HDAC1: variants seen among roughly 807,000 people sequenced by gnomAD.
The protein encoded by HDAC1 is protein deacetylase HDAC1.
HDAC1 carries 18 observed loss-of-function variants against 65.5 expected under a neutral mutation model. The observed-to-expected ratio is 0.27, with a 90% CI of 0.19 to 0.41. HDAC1 has a LOEUF of 0.41. HDAC1 is among the 10% of genes least tolerant of loss of function. HDAC1 has a pLI of 1.00. For synonymous variants in HDAC1, 211 were observed against 227.9 expected (o/e 0.93, Z 0.67); for missense variants, 373 against 625.2 (o/e 0.60, Z 4.30).
At chr1:32,318,896 A>G (rs1367475386) in intron 3 of HDAC1, among the ~76,000 whole-genome samples, 1 of 152,026 alleles carries the variant, frequency 6.6e-6, no homozygotes, top group Non-Finnish European at 1.5e-5. Context: ...AGGCAAGCAG[A>G]TCACCTGGGG....
chr1:32,317,438 T>C (rs917816822), intron 3 of HDAC1, among the ~76,000 whole-genome samples: 1 of 152,142 alleles, frequency 6.6e-6, no homozygotes, highest in Admixed American at 6.6e-5. Flanking sequence ...ATTTTAGAAA[T>C]TATCTCTTAG....
At chr1:32,303,911 A>C (rs1174224481) in intron 2 of HDAC1, among the ~76,000 whole-genome samples, 1 of 152,186 alleles carries the variant, frequency 6.6e-6, no homozygotes, top group African/African-American at 2.4e-5. Flanking sequence ...TATTTTAAGC[A>C]TGTATACAAA....
chr1:32,309,060 C>T (rs139030520), intron 2 of HDAC1, among the ~76,000 whole-genome samples: 23 of 152,252 alleles, frequency 1.5e-4, no homozygotes, highest in East Asian at 1.3e-3. Flanking sequence ...AGTCTGCCCC[C>T]CTTAGCCTCC....
At chr1:32,323,146 C>T (rs555841152) in intron 3 of HDAC1, among the ~76,000 whole-genome samples, 4 of 151,924 alleles carry the variant, frequency 2.6e-5, no homozygotes, top group Non-Finnish European at 5.9e-5. Flanking sequence ...ACTAAGAATG[C>T]GGAAATCAGC....
At chr1:32,314,042 C>G (rs1161829299) in intron 2 of HDAC1, among the ~76,000 whole-genome samples, 1 of 152,178 alleles carries the variant, frequency 6.6e-6, no homozygotes. Flanking sequence ...ACTCAGCGAG[C>G]CTGCCATATT....
intron 2 of HDAC1, among the ~76,000 whole-genome samples, chr1:32,311,753 G>A (rs1640995365): frequency 6.6e-6 from 1 of 152,118 alleles, no homozygotes; most frequent in Admixed American, 6.6e-5. Context: ...AGTGCTTCTA[G>A]GCTCTCAACA....
intron 2 of HDAC1, among the ~76,000 whole-genome samples, chr1:32,308,612 G>C (rs1256105241): frequency 6.6e-6 from 1 of 152,048 alleles, no homozygotes; most frequent in Non-Finnish European, 1.5e-5. Flanking sequence ...TCCACCTCTT[G>C]GGTTCATGCC....
intron 4 of HDAC1, 113 bp downstream of exon 4, chr1:32,324,666 G>T (rs757307412): frequency 1.3e-6 from 1 of 767,588 alleles, no homozygotes; most frequent in Non-Finnish European, 2.3e-6. Flanking sequence ...TGGTCCTGTG[G>T]TTTTTACTGA....
intron 1 of HDAC1, among the ~76,000 whole-genome samples, chr1:32,302,163 C>A (rs1247864474): frequency 6.6e-6 from 1 of 152,180 alleles, no homozygotes; most frequent in Non-Finnish European, 1.5e-5. Context: ...CTGTCCTACC[C>A]ATGTTACTGT....
At chr1:32,314,403 G>A (rs995350616) in intron 2 of HDAC1, among the ~76,000 whole-genome samples, 3 of 152,000 alleles carry the variant, frequency 2.0e-5, no homozygotes, top group Admixed American at 2.0e-4. Flanking sequence ...ACGTTGCCCA[G>A]GCTGGTCTCA....
rs1569993141 is a variant in HDAC1, at chr1:32,292,089, C to T, written c.-81C>T. ...GGGCGGGCCGGAGGCCCGCCCCCTCCCCCCTGGGTCGGACGCTGAGCGGAG... is the reference window on the plus strand; with the variant it reads ...GGGCGGGCCGGAGGCCCGCCCCCTCTCCCCTGGGTCGGACGCTGAGCGGAG... On this transcript the variant is annotated 5_prime_UTR_variant, in exon 1 of 14. Transcript: ENST00000373548. The T allele has an allele frequency of 7.3e-7, 1 of 1,371,914 alleles. No individual in the cohort carries two copies. Among genetic ancestry groups the T allele is most frequent in the Non-Finnish European group, 1.0e-6 (1 of 996,306 alleles). 85.0% of individuals were successfully genotyped at this position (1,371,914 alleles called of 1,614,324 possible).
At chr1:32,318,056 T>C (rs945053200) in intron 3 of HDAC1, among the ~76,000 whole-genome samples, 1 of 152,180 alleles carries the variant, frequency 6.6e-6, no homozygotes, top group African/African-American at 2.4e-5. Context: ...GTCTCCCGGC[T>C]TCAAGCGATT....
At chr1:32,326,791 AG>A in intron 4 of HDAC1, 147 bp from the exon 5 acceptor site, 1 of 664,362 alleles carries the variant, frequency 1.5e-6, no homozygotes. Flanking sequence ...CTGCTGAAGT[AG>A]GGTGGGAGGG....
intron 1 of HDAC1, among the ~76,000 whole-genome samples, chr1:32,300,045 G>A (rs894563192): frequency 4.6e-5 from 7 of 151,888 alleles, no homozygotes; most frequent in Non-Finnish European, 7.4e-5. Flanking sequence ...GCGACAGAGC[G>A]AGACTCTGTC....
intron 1 of HDAC1, among the ~76,000 whole-genome samples, chr1:32,297,420 T>C (rs1640783220): frequency 6.6e-6 from 1 of 152,014 alleles, no homozygotes; most frequent in South Asian, 2.1e-4. Flanking sequence ...GTGGTGGCAC[T>C]TGCCTGTAAT....
chr1:32,296,875 G>A (rs1640774302), intron 1 of HDAC1, among the ~76,000 whole-genome samples: 1 of 152,190 alleles, frequency 6.6e-6, no homozygotes, highest in South Asian at 2.1e-4. Context: ...AGGGGAGATG[G>A]AAACCGGAGC....
intron 2 of HDAC1, among the ~76,000 whole-genome samples, chr1:32,303,491 T>G (rs1557601276): frequency 6.6e-6 from 1 of 151,530 alleles, no homozygotes; most frequent in Non-Finnish European, 1.5e-5. Context: ...AACCAAAAAT[T>G]TAATGCCTAA....
chr1:32,330,719 G>C lies in HDAC1; in HGVS notation c.838+33G>C, dbSNP rs376404835. The C allele has an allele frequency of 2.2e-5, 35 of 1,613,692 alleles. No individual in the cohort carries two copies. The highest frequency in any genetic ancestry group is 2.9e-5 in the Non-Finnish European group (34 of 1,179,750). On this transcript the variant is annotated intron_variant, in intron 8 of 13. Transcript: ENST00000373548. The surrounding 1 kb of genome is among the most constrained non-coding windows in gnomAD (Gnocchi z 4.2). ...CAGGTAGCACAAGGATGGGTGGGCG[G>C]GGTCCTGCTTGGTGCTCCTGTAACT...
chr1:32,305,987 G>A (rs1640905350), intron 2 of HDAC1, among the ~76,000 whole-genome samples: 1 of 151,998 alleles, frequency 6.6e-6, no homozygotes, highest in Non-Finnish European at 1.5e-5. Context: ...TTTGTGCCAG[G>A]CAATATGTGT....
Sources: gnomAD v4.1 joint callset for allele counts (sites outside exome capture counted in the v4.1 genomes callset) on GRCh38, gnomAD v4.1.1 for gene constraint, Gnocchi (gnomAD v3.1) non-coding constraint, MANE v1.5 for transcripts, NCBI Gene and HGNC (gene_info 2026-07-23, HGNC 2026-07-21) for gene names.